Variants in MAP3K2 observed in about 807,000 individuals in gnomAD.
MAP3K2 encodes MAP/ERK kinase kinase 2.
A neutral mutation model predicts 80.3 loss-of-function variants in MAP3K2; 24 were observed. The ratio of observed to expected loss-of-function variants is 0.30; its 90% CI spans 0.22 to 0.42. The LOEUF (loss-of-function observed/expected upper bound fraction) is 0.42. Among genes scored for constraint, MAP3K2 ranks in the 10% least tolerant of loss-of-function variants. MAP3K2 has a pLI of 1.00. For synonymous variants in MAP3K2, 244 were observed against 253.7 expected (o/e 0.96, Z 0.36); for missense variants, 608 against 750.1 (o/e 0.81, Z 2.21).
intron 14 of MAP3K2, among the ~76,000 whole-genome samples, chr2:127,316,613 T>C (rs1040975860): frequency 2.6e-5 from 4 of 152,210 alleles, no homozygotes; most frequent in African/African-American, 9.7e-5. Flanking sequence ...CTATACCTCA[T>C]ATTACTTTCT....
chr2:127,317,125 A>G (rs1384403416), intron 14 of MAP3K2: 2 of 150,040 alleles, frequency 1.3e-5, no homozygotes. Flanking sequence ...CTCTTTGTCA[A>G]ATCTATATCA....
chr2:127,353,032 G>A (rs1185660379), intron 1 of MAP3K2, among the ~76,000 whole-genome samples: 1 of 152,108 alleles, frequency 6.6e-6, no homozygotes, highest in Non-Finnish European at 1.5e-5. Flanking sequence ...GTGCAGTGGC[G>A]TGATCTCGGC....
Position 127,339,175 on chromosome 2 carries a change from C to T in MAP3K2, c.5-125G>A. ...TAGAGAATGTATTAATGCAAAAATG[C>T]ATCTAGAACATTTTTAATGCCTACA... On this transcript the variant is annotated intron_variant, in intron 2 of 16. Transcript: ENST00000682094. This position sits in a 1 kb window ranked among gnomAD's most constrained non-coding sequence, Gnocchi z 4.2. 1 of 604,608 alleles carries T rather than the reference C, an allele frequency of 1.7e-6. No homozygotes were observed. Among genetic ancestry groups the T allele is most frequent in the Non-Finnish European group, 2.9e-6 (1 of 342,404 alleles). The allele number at this position is 604,608 out of a possible 1,614,324, so 37.5% of individuals were successfully genotyped here.
intron 14 of MAP3K2, among the ~76,000 whole-genome samples, chr2:127,315,505 G>A (rs1044002325): frequency 1.3e-5 from 2 of 152,194 alleles, no homozygotes; most frequent in South Asian, 4.1e-4. Context: ...TCCTTGGAGG[G>A]AGAGCATTTT....
chr2:127,347,369 A>G (rs1172764154), intron 1 of MAP3K2, among the ~76,000 whole-genome samples: 1 of 152,318 alleles, frequency 6.6e-6, no homozygotes, highest in East Asian at 1.9e-4. Flanking sequence ...TATTAGAATC[A>G]ATAAACACGT....
intron 9 of MAP3K2, among the ~76,000 whole-genome samples, 168 bp from the exon 10 acceptor site, chr2:127,324,409 G>T (rs1229823229): frequency 2.0e-5 from 3 of 152,178 alleles, no homozygotes; most frequent in Non-Finnish European, 4.4e-5. Context: ...CACTTACTTG[G>T]TACATGTAGG....
chr2:127,342,388 G>GGGGGGTGTGT (rs143219830), intron 2 of MAP3K2, among the ~76,000 whole-genome samples: 4 of 147,744 alleles, frequency 2.7e-5, no homozygotes, highest in African/African-American at 1.0e-4. Context: ...TCTTCATGAG[G>GGGGGGTGTGT]GTGTGTGTGT....
At chr2:127,353,456 C>T (rs1318201370) in intron 1 of MAP3K2, among the ~76,000 whole-genome samples, 2 of 151,530 alleles carry the variant, frequency 1.3e-5, no homozygotes, top group African/African-American at 4.9e-5. Flanking sequence ...GGAGCCCCTC[C>T]GCCCAGCAGC....
Position 127,364,486 on chromosome 2 carries a change from T to C in MAP3K2, c.-65-21292A>G, listed in dbSNP as rs1686938806. 1.3e-5 allele frequency among the ~76,000 whole-genome samples: 2 copies of C among 152,296 alleles called. No individual in the cohort carries two copies. The highest frequency in any genetic ancestry group is 4.1e-4 in the South Asian group (2 of 4,826). On this transcript the variant is annotated intron_variant, in intron 1 of 16. Coordinates refer to ENST00000682094, the MANE Select transcript of MAP3K2 (RefSeq NM_001371910.2). The surrounding 1 kb of genome is among the most constrained non-coding windows in gnomAD (Gnocchi z 4.1). ...TGGTCATCTTACCATGTATAAACGA[T>C]AATGGAAAAGAATTATCGTCTGTGG...
intron 1 of MAP3K2, among the ~76,000 whole-genome samples, chr2:127,356,350 T>C (rs1686797951): frequency 6.6e-6 from 1 of 152,130 alleles, no homozygotes; most frequent in South Asian, 2.1e-4. Context: ...TTTCTTTTTT[T>C]AGTTTCGCAG....
At chr2:127,367,851 A>C (rs539673962) in intron 1 of MAP3K2, among the ~76,000 whole-genome samples, 7 of 152,356 alleles carry the variant, frequency 4.6e-5, no homozygotes, top group African/African-American at 1.7e-4. Context: ...CTTTACAGTA[A>C]TTAGAAACTC....
At chr2:127,372,750 A>C (rs925465771) in intron 1 of MAP3K2, among the ~76,000 whole-genome samples, 2 of 152,106 alleles carry the variant, frequency 1.3e-5, no homozygotes, top group Non-Finnish European at 2.9e-5. Context: ...ATTTGGGTAG[A>C]ATAGTGATCT....
At chr2:127,316,507 C>G (rs541367239) in intron 14 of MAP3K2, among the ~76,000 whole-genome samples, 1 of 152,138 alleles carries the variant, frequency 6.6e-6, no homozygotes, top group Non-Finnish European at 1.5e-5. Flanking sequence ...TTTATAACTC[C>G]TAATGAAATT....
At chr2:127,340,796 G>A (rs576524256) in intron 2 of MAP3K2, among the ~76,000 whole-genome samples, 4 of 151,980 alleles carry the variant, frequency 2.6e-5, no homozygotes, top group South Asian at 2.1e-4. Context: ...GGGCTCAAGC[G>A]ATCCTCCCAC....
In MAP3K2 at chr2:127,307,439, C is replaced by A; in HGVS notation, c.*140G>T. On this transcript the variant is annotated 3_prime_UTR_variant, in exon 17 of 17. Coordinates refer to ENST00000682094, the MANE Select transcript of MAP3K2 (RefSeq NM_001371910.2). This position sits in a 1 kb window ranked among gnomAD's most constrained non-coding sequence, Gnocchi z 5.4. The stretch of plus-strand genomic sequence containing the variant: ...ATTATTATTATTAAACAAATTTAAC[C>A]AAGAATCAAGAGAAATACTTTCCCT... 8.8e-6 allele frequency: 4 copies of A among 456,282 alleles called. No homozygotes were observed. The highest frequency in any genetic ancestry group is 1.2e-5 in the Non-Finnish European group (3 of 256,502). 28.3% of individuals were successfully genotyped at this position (456,282 alleles called of 1,614,324 possible).
intron 12 of MAP3K2, among the ~76,000 whole-genome samples, chr2:127,320,506 T>C (rs528794882): frequency 2.6e-5 from 4 of 152,062 alleles, no homozygotes; most frequent in African/African-American, 4.8e-5. Flanking sequence ...TCAAATAGTC[T>C]AGTGTATAGG....
At chr2:127,331,367 A>T (rs1686252491) in intron 5 of MAP3K2, among the ~76,000 whole-genome samples, 2 of 152,214 alleles carry the variant, frequency 1.3e-5, no homozygotes, top group Non-Finnish European at 2.9e-5. Context: ...GCACTAGTTA[A>T]CCTGCTCTAC....
At chr2:127,356,367 T>TA (rs761707944) in intron 1 of MAP3K2, among the ~76,000 whole-genome samples, 1 of 151,714 alleles carries the variant, frequency 6.6e-6, no homozygotes, top group Non-Finnish European at 1.5e-5. Flanking sequence ...GCAGTGCATA[T>TA]AAAGTTATGT....
chr2:127,381,703 C>T (rs1252774864), intron 1 of MAP3K2, among the ~76,000 whole-genome samples: 2 of 152,178 alleles, frequency 1.3e-5, no homozygotes, highest in Admixed American at 1.3e-4. Context: ...TATACCTCAC[C>T]TTACTCCTCT....
Sources: allele counts gnomAD v4.1 joint callset (sites outside exome capture counted in the v4.1 genomes callset), GRCh38; gene constraint gnomAD v4.1.1; non-coding constraint Gnocchi (gnomAD v3.1); transcripts MANE v1.5; gene names NCBI Gene and HGNC (gene_info 2026-07-23, HGNC 2026-07-21).